The following C12orf50 variants were observed in gnomAD, a reference collection of about 807,000 sequenced individuals.
The protein encoded by C12orf50 is uncharacterized protein C12orf50.
C12orf50 carries 35 observed loss-of-function variants against 61.6 expected under a neutral mutation model. The observed-to-expected ratio is 0.57, with a 90% confidence interval of 0.43 to 0.75. C12orf50 has a LOEUF of 0.75. Ranked by LOEUF, C12orf50 falls within the 30% of genes least tolerant of loss-of-function variation. The pLI is 0.00. For missense variants in C12orf50, 475 were observed against 488.5 expected (o/e 0.97, Z 0.26); for synonymous variants, 178 against 161.5 (o/e 1.10, Z -0.77).
At chr12:87,993,658 T>C (rs888900773) in intron 7 of C12orf50, among the ~76,000 whole-genome samples, 1 of 152,088 alleles carries the variant, frequency 6.6e-6, no homozygotes, top group African/African-American at 2.4e-5. Context: ...TAAGAGATAC[T>C]GGTACTTACT....
intron 3 of C12orf50, among the ~76,000 whole-genome samples, chr12:88,025,609 C>A (rs140289551): frequency 2.0e-5 from 3 of 151,984 alleles, no homozygotes; most frequent in African/African-American, 7.3e-5. Flanking sequence ...TGTGGCGGTG[C>A]GTGCCTGTAG....
At chr12:88,018,342 A>G (rs981292329) in intron 3 of C12orf50, among the ~76,000 whole-genome samples, 1 of 152,222 alleles carries the variant, frequency 6.6e-6, no homozygotes, top group African/African-American at 2.4e-5. Flanking sequence ...AGACTGCAAG[A>G]GCACAGAATT....
At position 87,986,182 on chromosome 12, in the gene C12orf50, G is replaced by A. The variant is rs181780800; in HGVS notation, c.923-129C>T. The A allele has an allele frequency of 2.0e-3, 2,554 of 1,265,222 alleles. 4 individuals are homozygous for A. The highest frequency in any genetic ancestry group is 2.6e-3 in the Non-Finnish European group (2,342 of 911,366). 78.4% of individuals were successfully genotyped at this position (1,265,222 alleles called of 1,614,324 possible). On this transcript the variant is annotated intron_variant, in intron 10 of 12. Transcript: ENST00000298699. Reference sequence around the variant, plus strand: ...AGAAGCCAAAATAATTAAGTTTAGAGAAGTTGAGTTGACCCCTAAAGTAAC... The same window carrying A: ...AGAAGCCAAAATAATTAAGTTTAGAAAAGTTGAGTTGACCCCTAAAGTAAC...
chr12:87,985,628 C>A, intron 11 of C12orf50: 1 of 572,860 alleles, frequency 1.7e-6, no homozygotes. Flanking sequence ...TAGGGAGGTG[C>A]AATCTGAAGT....
chr12:87,999,451 C>A (rs530159844), intron 3 of C12orf50, among the ~76,000 whole-genome samples: 1 of 151,994 alleles, frequency 6.6e-6, no homozygotes, highest in Admixed American at 6.6e-5. Context: ...CAAACAAAAC[C>A]AAATGAGATA....
chr12:88,018,538 G>T (rs1361535853), intron 3 of C12orf50, among the ~76,000 whole-genome samples: 1 of 152,242 alleles, frequency 6.6e-6, no homozygotes, highest in Non-Finnish European at 1.5e-5. Context: ...GCTTAGTGGA[G>T]CTGTGAGAAG....
At chr12:87,984,808 A>G (rs1020348244) in intron 11 of C12orf50, 3 of 152,176 alleles carry the variant, frequency 2.0e-5, no homozygotes, top group African/African-American at 7.2e-5. Flanking sequence ...ACACAAACCT[A>G]GACATTGGCA....
chr12:88,011,342 T>G (rs2032102761), intron 3 of C12orf50, among the ~76,000 whole-genome samples: 1 of 152,100 alleles, frequency 6.6e-6, no homozygotes, highest in African/African-American at 2.4e-5. Context: ...TCTACACCAT[T>G]AGATGACATT....
At chr12:87,982,289 C>T (rs2030527226) in intron 12 of C12orf50, among the ~76,000 whole-genome samples, 1 of 152,100 alleles carries the variant, frequency 6.6e-6, no homozygotes. Flanking sequence ...TTAAATAGCA[C>T]TGCAGCAGGG....
chr12:88,003,629 A>G (rs993757156), intron 3 of C12orf50, among the ~76,000 whole-genome samples: 3 of 152,032 alleles, frequency 2.0e-5, no homozygotes, highest in African/African-American at 7.2e-5. Context: ...CTTTCAGTCT[A>G]CAGTGATTAC....
intron 1 of C12orf50, chr12:88,029,077 G>A (rs1442018478): frequency 2.3e-6 from 3 of 1,284,954 alleles, no homozygotes; most frequent in African/African-American, 1.5e-5. Flanking sequence ...CTTTATGCAT[G>A]TGGAATTAAA....
chr12:88,019,218 C>T (rs1055860797), intron 3 of C12orf50, among the ~76,000 whole-genome samples: 1 of 152,046 alleles, frequency 6.6e-6, no homozygotes, highest in African/African-American at 2.4e-5. Flanking sequence ...ATGCTGTTCT[C>T]GTGATAGTGA....
intron 3 of C12orf50, among the ~76,000 whole-genome samples, chr12:88,010,628 G>GA (rs916932005): frequency 2.1e-4 from 32 of 151,344 alleles, no homozygotes; most frequent in African/African-American, 7.7e-4. Context: ...AACTTATAAT[G>GA]AAAAAATTTA....
chr12:87,982,755 C>T (rs1046927202), intron 12 of C12orf50, among the ~76,000 whole-genome samples: 31 of 150,120 alleles, frequency 2.1e-4, no homozygotes, highest in African/African-American at 7.4e-4. Flanking sequence ...GCTTTAATGT[C>T]TTGTGTTAAA....
At chr12:88,020,006 C>A (rs2032456881) in intron 3 of C12orf50, among the ~76,000 whole-genome samples, 1 of 152,098 alleles carries the variant, frequency 6.6e-6, no homozygotes, top group Admixed American at 6.6e-5. Flanking sequence ...AATTTTTTAC[C>A]ACCAGACATG....
chr12:87,995,820 A>G, intron 6 of C12orf50, among the ~76,000 whole-genome samples: 1 of 152,178 alleles, frequency 6.6e-6, no homozygotes, highest in Non-Finnish European at 1.5e-5. Context: ...GTTCGCTACA[A>G]AACAGACTTG....
chr12:87,997,209 G>T (rs1270380755), intron 4 of C12orf50, among the ~76,000 whole-genome samples: 2 of 152,210 alleles, frequency 1.3e-5, no homozygotes, highest in Admixed American at 6.5e-5. Flanking sequence ...GAATAATGCA[G>T]ATGACAGTGA....
chr12:88,028,109 TAA>T (rs1171578706), intron 1 of C12orf50: 1 of 152,208 alleles, frequency 6.6e-6, no homozygotes, highest in Non-Finnish European at 1.5e-5. Flanking sequence ...TGATGTGATA[TAA>T]GGTATTGTGA....
chr12:88,023,203 T>A (rs958918862), intron 3 of C12orf50, among the ~76,000 whole-genome samples: 6 of 151,882 alleles, frequency 4.0e-5, no homozygotes, highest in African/African-American at 1.5e-4. Context: ...AATAAAAGCC[T>A]CATGCCTGCA....
Sources: allele counts gnomAD v4.1 joint callset (sites outside exome capture counted in the v4.1 genomes callset), GRCh38; gene constraint gnomAD v4.1.1; transcripts MANE v1.5; gene names NCBI Gene and HGNC (gene_info 2026-07-23, HGNC 2026-07-21).